NCAM2: variants seen among roughly 807,000 people sequenced by gnomAD.
NCAM2 encodes neural cell adhesion molecule 2.
A neutral mutation model predicts 98.1 loss-of-function variants in NCAM2; 30 were observed. That is an observed-to-expected ratio of 0.31 (90% CI 0.23 to 0.41). NCAM2 has a LOEUF of 0.41. NCAM2 is among the 10% of genes least tolerant of loss of function. The pLI is 1.00. For missense variants in NCAM2, 867 were observed against 1,005.8 expected, an observed-to-expected ratio of 0.86 and a Z score of 1.87; for synonymous variants, 368 against 342.4, an observed-to-expected ratio of 1.07 and a Z score of -0.83.
At chr21:21,254,949 ATGTGTGTGTGTGTGTG>A (rs58330278) in intron 1 of NCAM2, among the ~76,000 whole-genome samples, 1 of 148,278 alleles carries the variant, frequency 6.7e-6, no homozygotes, top group Non-Finnish European at 1.5e-5. Context: ...TAGCATATCT[ATGTGTGTGTGTGTGTG>A]TGTGTGTGTG....
At chr21:21,062,018 G>C (rs922651055) in intron 1 of NCAM2, among the ~76,000 whole-genome samples, 7 of 152,048 alleles carry the variant, frequency 4.6e-5, no homozygotes, top group Admixed American at 3.9e-4. Flanking sequence ...CTTTAACCAA[G>C]ATACACCATC....
chr21:21,269,011 C>A (rs995822459), intron 1 of NCAM2, among the ~76,000 whole-genome samples: 2 of 152,114 alleles, frequency 1.3e-5, no homozygotes, highest in Non-Finnish European at 2.9e-5. Context: ...CACCTTCAGG[C>A]TAGAATCATC....
chr21:21,329,836 A>G (rs2074622453), intron 6 of NCAM2, among the ~76,000 whole-genome samples: 1 of 152,132 alleles, frequency 6.6e-6, no homozygotes, highest in Admixed American at 6.5e-5. Context: ...AATATTTTTC[A>G]TAGAAATAGG....
intron 9 of NCAM2, among the ~76,000 whole-genome samples, chr21:21,379,378 A>AT (rs2076101331): frequency 6.6e-6 from 1 of 151,918 alleles, no homozygotes; most frequent in Non-Finnish European, 1.5e-5. Flanking sequence ...GATAATTCTT[A>AT]TTTTCTAATA....
rs565332937 is a variant in NCAM2 at position 21,034,641 on chromosome 21, T to C, written c.55+36023T>C. 1.4e-4 allele frequency among the ~76,000 whole-genome samples: 21 copies of C among 152,298 alleles called. No individual in the cohort carries two copies. The South Asian group carries it at 3.1e-3, about 23-fold the overall frequency. ...TCATTTGGAAAGTTACAGTCAGGTA[T>C]TGAAAGAAACTTAAGTTTTAGAATT... On this transcript the variant is annotated intron_variant, in intron 1 of 17. Coordinates refer to ENST00000400546, the MANE Select transcript of NCAM2 (RefSeq NM_004540.5).
At chr21:21,141,203 A>C (rs2067162025) in intron 1 of NCAM2, among the ~76,000 whole-genome samples, 1 of 152,184 alleles carries the variant, frequency 6.6e-6, no homozygotes. Context: ...AAATTTTGTA[A>C]AGTTGCTACA....
intron 1 of NCAM2, among the ~76,000 whole-genome samples, chr21:21,076,129 A>T (rs1450656787): frequency 6.6e-6 from 1 of 151,274 alleles, no homozygotes; most frequent in Non-Finnish European, 1.5e-5. Flanking sequence ...AAAAAAAAAA[A>T]AGAATATGAC....
intron 1 of NCAM2, among the ~76,000 whole-genome samples, chr21:21,216,546 C>A (rs1341182566): frequency 6.6e-6 from 1 of 152,178 alleles, no homozygotes; most frequent in East Asian, 1.9e-4. Context: ...TTGAACTTCT[C>A]CATACAAAAC....
At chr21:21,225,779 GA>G (rs1241587689) in intron 1 of NCAM2, among the ~76,000 whole-genome samples, 1 of 151,260 alleles carries the variant, frequency 6.6e-6, no homozygotes, top group African/African-American at 2.5e-5. Flanking sequence ...AGTTGATTTG[GA>G]GTGTGGCCAA....
At chr21:21,158,247 A>G (rs1448269962) in intron 1 of NCAM2, among the ~76,000 whole-genome samples, 3 of 152,206 alleles carry the variant, frequency 2.0e-5, no homozygotes, top group Non-Finnish European at 1.5e-5. Context: ...AAAATAGCAC[A>G]TTCACACTGT....
chr21:21,089,313 G>C (rs978661135), intron 1 of NCAM2, among the ~76,000 whole-genome samples: 24 of 152,030 alleles, frequency 1.6e-4, no homozygotes, highest in African/African-American at 5.8e-4. Context: ...GAATTTTGCT[G>C]TTCTCAAAGT....
chr21:21,325,605 A>G (rs1370327528), intron 6 of NCAM2, among the ~76,000 whole-genome samples: 1 of 152,140 alleles, frequency 6.6e-6, no homozygotes, highest in Non-Finnish European at 1.5e-5. Flanking sequence ...CGTCTGTCTC[A>G]GTGACTGCTG....
intron 1 of NCAM2, among the ~76,000 whole-genome samples, chr21:21,102,897 A>G (rs2146495247): frequency 6.6e-6 from 1 of 152,168 alleles, no homozygotes; most frequent in East Asian, 1.9e-4. Flanking sequence ...ATAATTATGT[A>G]ATATATCCTA....
intron 14 of NCAM2, among the ~76,000 whole-genome samples, chr21:21,473,465 C>A (rs1470012853): frequency 6.7e-6 from 1 of 149,462 alleles, no homozygotes; most frequent in African/African-American, 2.5e-5. Context: ...TAAATAATTT[C>A]TGGGCCTTCT....
intron 9 of NCAM2, among the ~76,000 whole-genome samples, chr21:21,395,774 A>G (rs1421381058): frequency 3.3e-5 from 5 of 151,530 alleles, no homozygotes; most frequent in South Asian, 2.1e-4. Flanking sequence ...AGGACACCCA[A>G]TTCAACAAAC....
intron 15 of NCAM2, among the ~76,000 whole-genome samples, chr21:21,503,588 A>G (rs968828639): frequency 1.3e-5 from 2 of 152,098 alleles, no homozygotes; most frequent in South Asian, 2.1e-4. Context: ...ACAGTTGACT[A>G]TAGATAACCG....
At chr21:21,166,863 G>T (rs950008317) in intron 1 of NCAM2, among the ~76,000 whole-genome samples, 1 of 152,102 alleles carries the variant, frequency 6.6e-6, no homozygotes, top group Non-Finnish European at 1.5e-5. Context: ...TCAACATATT[G>T]CATCTCTCTC....
At chr21:21,315,900 A>T (rs1288062162) in intron 5 of NCAM2, among the ~76,000 whole-genome samples, 1 of 152,216 alleles carries the variant, frequency 6.6e-6, no homozygotes, top group Admixed American at 6.5e-5. Context: ...AGGACACTGC[A>T]AGATGTCTCG....
At chr21:21,160,146 T>G (rs910077449) in intron 1 of NCAM2, among the ~76,000 whole-genome samples, 3 of 152,080 alleles carry the variant, frequency 2.0e-5, no homozygotes, top group African/African-American at 7.2e-5. Flanking sequence ...CAGACTCAAC[T>G]GTTACTATAT....
Sources: allele counts gnomAD v4.1 joint callset (sites outside exome capture counted in the v4.1 genomes callset), GRCh38; gene constraint gnomAD v4.1.1; transcripts MANE v1.5; gene names NCBI Gene and HGNC (gene_info 2026-07-23, HGNC 2026-07-21).